SORL1: variants seen among roughly 807,000 people sequenced by gnomAD.
SORL1 encodes the protein sortilin-related receptor.
Under a neutral mutation model 273.7 loss-of-function variants are expected in SORL1, and 127 were observed. The observed-to-expected ratio is 0.46, with a 90% CI of 0.40 to 0.54. The LOEUF is 0.54. Among genes scored for constraint, SORL1 ranks in the 20% least tolerant of loss-of-function variants. The pLI is 0.00. For missense variants in SORL1, 2,494 were observed against 2,846.1 expected (o/e 0.88, Z 2.81); for synonymous variants, 1,031 against 1,067.4 (o/e 0.97, Z 0.66).
intron 11 of SORL1, among the ~76,000 whole-genome samples, chr11:121,523,852 A>G (rs1007430884): frequency 6.6e-6 from 1 of 152,216 alleles, no homozygotes; most frequent in African/African-American, 2.4e-5. Flanking sequence ...GCTAGCAGAC[A>G]TAGTTCCCAT....
chr11:121,583,470 C>T lies in SORL1; in HGVS notation c.3593C>T (p.Thr1198Ile), dbSNP rs1454415758. ...TTCTCTGTTACAGCCATCTATCACACCTGTGAGGCCTCCAACTTCCAGTGC... is the reference window on the plus strand; with the variant it reads ...TTCTCTGTTACAGCCATCTATCACATCTGTGAGGCCTCCAACTTCCAGTGC... ...DEANCTAIYH[T>I]CEASNFQCRN... The change falls in exon 26 of 48, where the codon ACC becomes ATC. Residue 1198 changes from threonine (T) to isoleucine (I), a missense_variant. Around this residue, in one of 3 missense-constraint regions of SORL1, gnomAD observed 1,609 missense variants for 1,816.4 expected, o/e 0.89. Coordinates refer to ENST00000260197, the MANE Select transcript of SORL1 (RefSeq NM_003105.6). 1 of 1,612,468 alleles carries T rather than the reference C, an allele frequency of 6.2e-7. No homozygotes were observed.
intron 16 of SORL1, 32 bp from the exon 17 acceptor site, chr11:121,553,905 C>T: frequency 6.3e-7 from 1 of 1,598,236 alleles, no homozygotes; most frequent in Non-Finnish European, 8.5e-7. Context: ...TCCCCTGGGT[C>T]CAACCTCCCA....
At chr11:121,597,893 C>G (rs909988618) in intron 32 of SORL1, among the ~76,000 whole-genome samples, 4 of 152,140 alleles carry the variant, frequency 2.6e-5, no homozygotes, top group African/African-American at 7.2e-5. Flanking sequence ...GAGGTGGGGA[C>G]AGGCCAGGAG....
At chr11:121,605,696 G>C (rs1863459724) in intron 35 of SORL1, 125 bp downstream of exon 35, 1 of 758,042 alleles carries the variant, frequency 1.3e-6, no homozygotes, top group Admixed American at 2.4e-5. Context: ...AAGTATGGTG[G>C]CTAAGCTTTA....
intron 14 of SORL1, 98 bp downstream of exon 14, chr11:121,545,527 G>A (rs1591320544): frequency 2.0e-6 from 2 of 1,022,146 alleles, no homozygotes; most frequent in Admixed American, 2.2e-5. Flanking sequence ...CTGAGCAAAG[G>A]AAGGGAATAG....
At position 121,470,227 on chromosome 11, in the gene SORL1, T is replaced by G; in HGVS notation, c.402+104T>G. The G allele has an allele frequency of 9.0e-6, 7 of 775,232 alleles. No individual in the cohort carries two copies. In the South Asian group the frequency reaches 9.8e-5, roughly 11 times the overall value. 48.0% of individuals were successfully genotyped at this position (775,232 alleles called of 1,614,324 possible). ...GAAAAAGTAGTGGGTAATTGGAACATGGAATGGATGAATTGTATGACAGGG... is the reference window on the plus strand; with the variant it reads ...GAAAAAGTAGTGGGTAATTGGAACAGGGAATGGATGAATTGTATGACAGGG... On this transcript the variant is annotated intron_variant, in intron 2 of 47. Coordinates refer to ENST00000260197, the MANE Select transcript of SORL1 (RefSeq NM_003105.6).
Position 121,559,575 on chromosome 11 carries a change from C to G in SORL1, c.2967C>G (p.Tyr989Ter). ...TCAGCATATTCCGAGCTTCCAAATA[C>G]AGTGGGTCCCAGATGGAGATTCTGG... ...SQLSIFRASKYSGSQMEILAN... is the reference protein window; with the variant it reads ...SQLSIFRASK The change falls in exon 21 of 48, where the codon TAC (tyrosine) becomes TAG (stop). Residue 989 changes from tyrosine (Y) to a stop codon, truncating the protein, a stop_gained. Transcript: ENST00000260197. LOFTEE classifies it high-confidence loss of function. 6.2e-7 allele frequency: 1 copy of G among 1,614,136 alleles called. No homozygotes were observed. The highest frequency in any genetic ancestry group is 8.5e-7 in the Non-Finnish European group (1 of 1,179,978).
intron 41 of SORL1, among the ~76,000 whole-genome samples, chr11:121,617,905 C>T (rs1863663498): frequency 6.6e-6 from 1 of 152,144 alleles, no homozygotes; most frequent in Non-Finnish European, 1.5e-5. Flanking sequence ...GTAATTAAAA[C>T]AAGTTTAGAG....
chr11:121,606,805 A>G (rs891942246), intron 35 of SORL1, 40 bp from the exon 36 acceptor site: 2 of 1,444,254 alleles, frequency 1.4e-6, no homozygotes, highest in Middle Eastern at 1.8e-4. Flanking sequence ...GTTGGCTGCT[A>G]TGCAGATGGG....
intron 30 of SORL1, 34 bp from the exon 31 acceptor site, chr11:121,590,967 T>C (rs377220306): frequency 9.5e-5 from 153 of 1,613,708 alleles, no homozygotes; most frequent in Non-Finnish European, 1.3e-4. Flanking sequence ...CTGCTTCTAA[T>C]GTTTTGGGTT....
At chr11:121,533,445 A>C (rs1374655392) in intron 12 of SORL1, among the ~76,000 whole-genome samples, 1 of 152,120 alleles carries the variant, frequency 6.6e-6, no homozygotes, top group Non-Finnish European at 1.5e-5. Context: ...AACTGTCAAG[A>C]GTTTGTAACC....
intron 3 of SORL1, among the ~76,000 whole-genome samples, chr11:121,485,149 G>T (rs372715761): frequency 6.6e-6 from 1 of 152,182 alleles, no homozygotes; most frequent in Non-Finnish European, 1.5e-5. Context: ...TTATATGAGC[G>T]TAGGGAGTGG....
chr11:121,575,837 C>T (rs1862920354), intron 24 of SORL1, among the ~76,000 whole-genome samples: 1 of 152,200 alleles, frequency 6.6e-6, no homozygotes, highest in African/African-American at 2.4e-5. Context: ...TTTCTGGTAT[C>T]ATTGAGCTCA....
chr11:121,589,455 A>G, intron 29 of SORL1, 65 bp downstream of exon 29: 1 of 1,589,574 alleles, frequency 6.3e-7, no homozygotes, highest in Admixed American at 1.7e-5. Flanking sequence ...CTGCAGTTAC[A>G]GGGACACTCA....
rs778551457 is a variant in SORL1 at position 121,595,227 on chromosome 11, A to T, written c.4370-396A>T. ...TAACTCCTTCTTCACTTCCAGTTAG[A>T]TGCCAGTTTCTGAACTTTTGGAGGA... On this transcript the variant is annotated intron_variant, in intron 31 of 47. Transcript: ENST00000260197. The surrounding 1 kb of genome is among the most constrained non-coding windows in gnomAD (Gnocchi z 5.1). Among the ~76,000 whole-genome samples, 36 of 152,198 alleles carry T rather than the reference A, an allele frequency of 2.4e-4. No individual in the cohort carries two copies. The highest frequency in any genetic ancestry group is 2.0e-3 in the Admixed American group (30 of 15,276).
At chr11:121,503,739 C>G (rs1488949913) in intron 6 of SORL1, among the ~76,000 whole-genome samples, 1 of 152,176 alleles carries the variant, frequency 6.6e-6, no homozygotes, top group Non-Finnish European at 1.5e-5. Flanking sequence ...TTCCATTAAT[C>G]TGTATATCTA....
Position 121,452,324 on chromosome 11 carries a change from G to A in SORL1, c.-8G>A. ...GGCGGCGCCACCTGCAGTAGCGTTCGCCCGAACATGGCGACACGGAGCAGC... is the reference window on the plus strand; with the variant it reads ...GGCGGCGCCACCTGCAGTAGCGTTCACCCGAACATGGCGACACGGAGCAGC... On this transcript the variant is annotated 5_prime_UTR_variant, in exon 1 of 48. Transcript: ENST00000260197. This position sits in a 1 kb window ranked among gnomAD's most constrained non-coding sequence, Gnocchi z 5.3. 7 of 1,528,272 alleles carry A rather than the reference G, an allele frequency of 4.6e-6. No homozygotes were observed. The highest frequency in any genetic ancestry group is 6.1e-6 in the Non-Finnish European group (7 of 1,141,750). The allele number at this position is 1,528,272 out of a possible 1,614,324, so 94.7% of individuals were successfully genotyped here.
intron 25 of SORL1, among the ~76,000 whole-genome samples, chr11:121,580,434 G>T (rs1016509139): frequency 6.6e-6 from 1 of 151,458 alleles, no homozygotes; most frequent in African/African-American, 2.4e-5. Context: ...ACATGGAGCT[G>T]TTTTTTTTAT....
chr11:121,517,572 A>G (rs935323906), intron 8 of SORL1, among the ~76,000 whole-genome samples: 3 of 152,068 alleles, frequency 2.0e-5, no homozygotes, highest in Admixed American at 2.0e-4. Flanking sequence ...CTTGCTAAAT[A>G]TTTTCTCGTC....
Sources: allele counts gnomAD v4.1 joint callset (sites outside exome capture counted in the v4.1 genomes callset), GRCh38; gene constraint gnomAD v4.1.1; regional missense constraint gnomAD v4.1.1; non-coding constraint Gnocchi (gnomAD v3.1); transcripts MANE v1.5; gene names NCBI Gene and HGNC (gene_info 2026-07-23, HGNC 2026-07-21).